FAM220A: variants seen among roughly 807,000 people sequenced by gnomAD.
FAM220A encodes the protein family with sequence similarity 220 member A.
For synonymous variants in FAM220A, 141 were observed against 130.7 expected, an observed-to-expected ratio of 1.08 and a Z score of -0.54; for missense variants, 392 against 321.6, an observed-to-expected ratio of 1.22 and a Z score of -1.68.
chr7:6,337,301 G>A (rs1053411656), intron 1 of FAM220A, among the ~76,000 whole-genome samples: 7 of 151,912 alleles, frequency 4.6e-5, no homozygotes, highest in Admixed American at 4.6e-4. Flanking sequence ...TTTGTATTTT[G>A]AGTAGATATG....
intron 1 of FAM220A, among the ~76,000 whole-genome samples, chr7:6,336,463 T>C (rs1781748753): frequency 6.6e-6 from 1 of 152,050 alleles, no homozygotes; most frequent in Admixed American, 6.6e-5. Context: ...GGCAGATCTC[T>C]TGAGGTCAGG....
At chr7:6,347,176 T>C (rs901612589) in intron 1 of FAM220A, among the ~76,000 whole-genome samples, 2 of 151,664 alleles carry the variant, frequency 1.3e-5, no homozygotes, top group Admixed American at 1.3e-4. Context: ...AAAAGGAAAA[T>C]ATAAAAGAAA....
In FAM220A at chr7:6,330,051, A is replaced by G; in HGVS notation, c.*324T>C. 1 of 299,958 alleles carries G rather than the reference A, an allele frequency of 3.3e-6. No homozygotes were observed. Among genetic ancestry groups the G allele is most frequent in the Non-Finnish European group, 6.5e-6 (1 of 152,994 alleles). 18.6% of individuals were successfully genotyped at this position (299,958 alleles called of 1,614,324 possible). A position where few individuals can be genotyped will look rare whatever the true frequency, so the allele number is the denominator to read the frequency against. ...AAGGACACACAGGATTTGGGACAGT[A>G]GCCCTTTAGAATGGATGTTGAAGAC... On this transcript the variant is annotated 3_prime_UTR_variant, in exon 2 of 2. Transcript: ENST00000313324.
rs1414271627 is a variant in FAM220A, at chr7:6,329,611, AGAC to A, written c.*761_*763del. The A allele has an allele frequency of 1.9e-5, 3 of 159,872 alleles. No individual in the cohort carries two copies. Among genetic ancestry groups the A allele is most frequent in the Non-Finnish European group, 4.4e-5 (3 of 68,090 alleles). 9.9% of individuals were successfully genotyped at this position (159,872 alleles called of 1,614,324 possible). The stretch of plus-strand genomic sequence containing the variant: ...AATGACCTTTATTAAAGTTATCAAC[AGAC>A]GACAACAGGAGTCACCTTGAAAAAT... On this transcript the variant is annotated 3_prime_UTR_variant, in exon 2 of 2. Transcript: ENST00000313324.
At chr7:6,335,145 C>A (rs954697537) in intron 1 of FAM220A, among the ~76,000 whole-genome samples, 9 of 152,166 alleles carry the variant, frequency 5.9e-5, no homozygotes, top group African/African-American at 1.9e-4. Flanking sequence ...TCACTGCAAC[C>A]TCTGCCTCCT....
intron 1 of FAM220A, among the ~76,000 whole-genome samples, chr7:6,336,183 A>AAG (rs1781742416): frequency 6.6e-6 from 1 of 150,616 alleles, no homozygotes; most frequent in Non-Finnish European, 1.5e-5. Context: ...AAAAAAAAAA[A>AAG]AAAAATTAAA....
At chr7:6,333,180 A>C (rs1031783471) in intron 1 of FAM220A, among the ~76,000 whole-genome samples, 20 of 151,700 alleles carry the variant, frequency 1.3e-4, no homozygotes, top group African/African-American at 3.1e-4. Flanking sequence ...AAAAAAAAAA[A>C]ACAAAAAACA....
At chr7:6,343,096 G>A (rs1156277718) in intron 1 of FAM220A, among the ~76,000 whole-genome samples, 2 of 151,278 alleles carry the variant, frequency 1.3e-5, no homozygotes, top group Admixed American at 6.6e-5. Context: ...GAAAAAATTG[G>A]CCAGGTGCAG....
chr7:6,343,442 A>ATG (rs1781902250), intron 1 of FAM220A, among the ~76,000 whole-genome samples: 3 of 114,282 alleles, frequency 2.6e-5, no homozygotes, highest in Non-Finnish European at 3.6e-5. Context: ...ATATATATAT[A>ATG]TATGATCTAG....
chr7:6,347,987 C>G (rs1261357335), intron 1 of FAM220A, among the ~76,000 whole-genome samples: 1 of 151,032 alleles, frequency 6.6e-6, no homozygotes, highest in Non-Finnish European at 1.5e-5. Context: ...CTCGGCTCAC[C>G]GCAACCTGCG....
intron 1 of FAM220A, chr7:6,342,076 A>C (rs1213026775): frequency 6.6e-6 from 1 of 152,032 alleles, no homozygotes; most frequent in Non-Finnish European, 1.5e-5. Flanking sequence ...ATGAGCAATC[A>C]CTCATTAAGA....
chr7:6,344,470 T>G (rs920603346), intron 1 of FAM220A, among the ~76,000 whole-genome samples: 2 of 152,130 alleles, frequency 1.3e-5, no homozygotes, highest in African/African-American at 4.8e-5. Context: ...TTGCCCAGCC[T>G]GGAGTACAGT....
intron 1 of FAM220A, among the ~76,000 whole-genome samples, chr7:6,341,656 C>T (rs1440679410): frequency 6.7e-5 from 10 of 149,692 alleles, no homozygotes; most frequent in African/African-American, 9.8e-5. Flanking sequence ...CGCCACCGCA[C>T]TCTAGCCTGG....
chr7:6,347,296 C>G (rs998056428), intron 1 of FAM220A, among the ~76,000 whole-genome samples: 1 of 152,178 alleles, frequency 6.6e-6, no homozygotes, highest in Non-Finnish European at 1.5e-5. Flanking sequence ...GGGCAGATCA[C>G]TTGAAGTCAG....
intron 1 of FAM220A, among the ~76,000 whole-genome samples, chr7:6,346,720 G>A (rs533301072): frequency 2.0e-5 from 3 of 152,200 alleles, no homozygotes; most frequent in East Asian, 3.9e-4. Context: ...CCGGTGTTAG[G>A]TTTCATGTTA....
intron 1 of FAM220A, among the ~76,000 whole-genome samples, chr7:6,342,684 G>T (rs1781885700): frequency 6.6e-6 from 1 of 152,056 alleles, no homozygotes; most frequent in Non-Finnish European, 1.5e-5. Flanking sequence ...ATTCACAATA[G>T]CCAAAAAGTG....
rs1311071599 is a variant in FAM220A at position 6,330,933 on chromosome 7, G to C, written c.222C>G (p.Leu74=). ...EMRKDPSGAG[L]WLHSGGPVLP... ...GCACTGGGCCGCCACTGTGAAGCCA[G>C]AGGCCAGCCCCGCTCGGATCCTTTC... is the stretch of plus-strand genomic sequence containing the variant. Residue 74 remains leucine (L), a synonymous_variant, in exon 2 of 2, where the codon CTC becomes CTG. Coordinates refer to ENST00000313324, the MANE Select transcript of FAM220A (RefSeq NM_001037163.2). The C allele has an allele frequency of 2.5e-6, 4 of 1,614,130 alleles. No homozygotes were observed. The highest frequency in any genetic ancestry group is 3.4e-6 in the Non-Finnish European group (4 of 1,180,058).
intron 1 of FAM220A, among the ~76,000 whole-genome samples, chr7:6,339,693 G>C (rs921255313): frequency 6.6e-6 from 1 of 151,698 alleles, no homozygotes; most frequent in Admixed American, 6.6e-5. Flanking sequence ...CCATGGTCTC[G>C]ATCTCCTGAC....
At chr7:6,348,056 A>T (rs2115154773) in intron 1 of FAM220A, among the ~76,000 whole-genome samples, 1 of 151,328 alleles carries the variant, frequency 6.6e-6, no homozygotes, top group Middle Eastern at 3.4e-3. Context: ...GATTACAGGC[A>T]CGCGCCACCA....
Sources: gnomAD v4.1 joint callset for allele counts (sites outside exome capture counted in the v4.1 genomes callset) on GRCh38, gnomAD v4.1.1 for gene constraint, MANE v1.5 for transcripts, NCBI Gene and HGNC (gene_info 2026-07-23, HGNC 2026-07-21) for gene names.